Variants in TMEM69 observed in about 807,000 individuals in gnomAD.
The protein encoded by TMEM69 is transmembrane protein 69, also known as chromosome 1 open reading frame 154.
A neutral mutation model predicts 15.8 loss-of-function variants in TMEM69; 17 were observed. The observed-to-expected ratio is 1.07, with a 90% CI of 0.73 to 1.61. The LOEUF is 1.61. TMEM69 is among the 40% of genes most tolerant of loss of function. The pLI is 0.00. For missense variants in TMEM69, 230 were observed against 286.1 expected, an observed-to-expected ratio of 0.80 and a Z score of 1.41; for synonymous variants, 80 against 98.6, an observed-to-expected ratio of 0.81 and a Z score of 1.12.
intron 2 of TMEM69, 152 bp downstream of exon 2, chr1:45,691,262 A>G (rs1645343136): frequency 4.0e-6 from 3 of 750,574 alleles, no homozygotes; most frequent in Admixed American, 2.2e-5. Flanking sequence ...AATGTTTATT[A>G]TATCAGGCTG....
chr1:45,689,874 A>G (rs1401933942), intron 1 of TMEM69, among the ~76,000 whole-genome samples: 1 of 152,066 alleles, frequency 6.6e-6, no homozygotes, highest in Admixed American at 6.5e-5. Flanking sequence ...CGTGGCCTGT[A>G]GTCCCAGCTC....
intron 1 of TMEM69, among the ~76,000 whole-genome samples, chr1:45,690,242 C>T (rs1344730636): frequency 2.0e-5 from 3 of 152,312 alleles, no homozygotes; most frequent in Non-Finnish European, 4.4e-5. Context: ...TGGCTCATGC[C>T]TGTAATCCCA....
At chr1:45,691,320 T>C (rs1569922575) in intron 2 of TMEM69, among the ~76,000 whole-genome samples, 1 of 151,358 alleles carries the variant, frequency 6.6e-6, no homozygotes, top group African/African-American at 2.4e-5. Context: ...CAGGCCGAGG[T>C]GGGTGGGATC....
rs570754144 is a variant in TMEM69 at position 45,690,458 on chromosome 1, C to T, written c.-95-516C>T. ...CAGATGATGCAGTGAGCCAAGATCGCGCCACTGCACTCCAGCCTGGGCGAC... is the reference window on the plus strand; with the variant it reads ...CAGATGATGCAGTGAGCCAAGATCGTGCCACTGCACTCCAGCCTGGGCGAC... On this transcript the variant is annotated intron_variant, in intron 1 of 2. Transcript: ENST00000372025. Among the ~76,000 whole-genome samples, 7 of 152,084 alleles carry T rather than the reference C, an allele frequency of 4.6e-5. No homozygotes were observed. In the South Asian group the frequency reaches 1.0e-3, roughly 23 times the overall value.
intron 2 of TMEM69, among the ~76,000 whole-genome samples, chr1:45,692,797 A>C (rs191896128): frequency 6.6e-6 from 1 of 152,254 alleles, no homozygotes; most frequent in Non-Finnish European, 1.5e-5. Context: ...TATTTTCTCC[A>C]TATAAAAACA....
At position 45,688,237 on chromosome 1, in the gene TMEM69, C is replaced by T. The variant is rs937219273; in HGVS notation, c.-134C>T. The T allele has an allele frequency of 1.3e-5, 2 of 152,160 alleles. No individual in the cohort carries two copies. Among genetic ancestry groups the T allele is most frequent in the African/African-American group, 4.8e-5 (2 of 41,388 alleles). The allele number at this position is 152,160 out of a possible 1,614,324, so 9.4% of individuals were successfully genotyped here. A position where few individuals can be genotyped will look rare whatever the true frequency, so the allele number is the denominator to read the frequency against. ...GGCTGTTGTTGCGGTTGTTTTCCTT[C>T]TCTCCGTGCAACGCTGGCAAGTCTC... On this transcript the variant is annotated 5_prime_UTR_variant, in exon 1 of 3. Transcript: ENST00000372025.
Position 45,694,264 on chromosome 1 carries a change from T to C in TMEM69, c.*359T>C, listed in dbSNP as rs1569928176. ...ATCTTCACAGATTGTTCTTCATTTCTAGAAATTGTTACTTCATGGTAATTA... is the reference window on the plus strand; with the variant it reads ...ATCTTCACAGATTGTTCTTCATTTCCAGAAATTGTTACTTCATGGTAATTA... On this transcript the variant is annotated 3_prime_UTR_variant, in exon 3 of 3. Coordinates refer to ENST00000372025, the MANE Select transcript of TMEM69 (RefSeq NM_016486.4). 15 of 591,048 alleles carry C rather than the reference T, an allele frequency of 2.5e-5. No individual in the cohort carries two copies. In the East Asian group the frequency reaches 2.9e-4, roughly 12 times the overall value. 36.6% of individuals were successfully genotyped at this position (591,048 alleles called of 1,614,324 possible). A position where few individuals can be genotyped will look rare whatever the true frequency, so the allele number is the denominator to read the frequency against.
In TMEM69 at chr1:45,693,778, A is replaced by C. The variant is rs1485451442; in HGVS notation, c.617A>C (p.His206Pro). 1 of 1,614,194 alleles carries C rather than the reference A, an allele frequency of 6.2e-7. No individual in the cohort carries two copies. ...CACCTTGAACTTTTTCTCTTACCAC[A>C]TTATCCCAACTGGTTTAAAGCCCTG... ...AFHLELFLLP[H>P]YPNWFKALRI... Residue 206 changes from histidine (H) to proline (P), a missense_variant, in exon 3 of 3, where the codon CAT (histidine) becomes CCT (proline). Transcript: ENST00000372025.
Position 45,693,403 on chromosome 1 carries a change from C to T in TMEM69, c.242C>T (p.Ala81Val), listed in dbSNP as rs746861287. ...AAGCAGCAGAAGCAAGCACTTCTAGCCAGACCCTCAAGCACCATCACTTAC... is the reference window on the plus strand; with the variant it reads ...AAGCAGCAGAAGCAAGCACTTCTAGTCAGACCCTCAAGCACCATCACTTAC... ...FKKQQKQALL[A>V]RPSSTITYLT... Residue 81 changes from alanine (A) to valine (V), a missense_variant, in exon 3 of 3, where the codon GCC (alanine) becomes GTC (valine). Ala to Val is a moderately conservative substitution (Grantham distance 64, BLOSUM62 0). Coordinates refer to ENST00000372025, the MANE Select transcript of TMEM69 (RefSeq NM_016486.4). 2.5e-6 allele frequency: 4 copies of T among 1,614,052 alleles called. No individual in the cohort carries two copies. In the Admixed American group the frequency reaches 5.0e-5, roughly 20 times the overall value.
In TMEM69 at chr1:45,694,397, A is replaced by G. The variant is rs779457240; in HGVS notation, c.*492A>G. The G allele has an allele frequency of 8.5e-7, 1 of 1,174,004 alleles. No homozygotes were observed. Among genetic ancestry groups the G allele is most frequent in the South Asian group, 1.3e-5 (1 of 76,216 alleles). The allele number at this position is 1,174,004 out of a possible 1,614,324, so 72.7% of individuals were successfully genotyped here. A position where few individuals can be genotyped will look rare whatever the true frequency, so the allele number is the denominator to read the frequency against. ...TATAGTTATCCACTTAAACATTTCA[A>G]TATTTTAACCATCTTGAAAATTAAA... On this transcript the variant is annotated 3_prime_UTR_variant, in exon 3 of 3. Coordinates refer to ENST00000372025, the MANE Select transcript of TMEM69 (RefSeq NM_016486.4).
Sources: allele counts gnomAD v4.1 joint callset (sites outside exome capture counted in the v4.1 genomes callset), GRCh38; gene constraint gnomAD v4.1.1; transcripts MANE v1.5; gene names NCBI Gene and HGNC (gene_info 2026-07-23, HGNC 2026-07-21).